XIRP2: variants seen among roughly 807,000 people sequenced by gnomAD.
XIRP2 encodes xin actin binding repeat containing 2, also known as xin actin-binding repeat-containing protein 2.
Under a neutral mutation model 277.0 loss-of-function variants are expected in XIRP2, and 236 were observed. That is an observed-to-expected ratio of 0.85 (90% CI 0.77 to 0.95). The LOEUF is 0.95. XIRP2 is among the 40% of genes least tolerant of loss of function. The probability of loss-of-function intolerance (pLI) is 0.00; values close to 1 mark genes in which losing one functional copy is unlikely to be tolerated. For synonymous variants in XIRP2, 1,490 were observed against 1,416.5 expected, an observed-to-expected ratio of 1.05 and a Z score of -1.17; for missense variants, 4,640 against 4,157.5, an observed-to-expected ratio of 1.12 and a Z score of -3.19.
intron 3 of XIRP2, among the ~76,000 whole-genome samples, chr2:167,154,449 T>A (rs1425065265): frequency 1.3e-5 from 2 of 150,780 alleles, no homozygotes; most frequent in Non-Finnish European, 3.0e-5. Context: ...TTTGTTGCCA[T>A]TGCTTTTGGT....
At chr2:166,892,845 T>C (rs1684138643) in intron 1 of XIRP2, among the ~76,000 whole-genome samples, 1 of 148,126 alleles carries the variant, frequency 6.8e-6, no homozygotes, top group South Asian at 2.1e-4. Flanking sequence ...TGATATGTTA[T>C]AATATATGTT....
chr2:167,097,116 C>G (rs1160163528), intron 2 of XIRP2, among the ~76,000 whole-genome samples: 1 of 152,078 alleles, frequency 6.6e-6, no homozygotes, highest in Non-Finnish European at 1.5e-5. Context: ...TTTTCTGCCT[C>G]TTTGATCTGT....
rs777084432 is a variant in XIRP2, at chr2:167,245,135, T to C, written c.3743T>C (p.Ile1248Thr). ...AGGTGGCTTTTTGAAAACCAACCAA[T>C]TGATAAGATAAAAGAAAGCCAAGAA... is the stretch of plus-strand genomic sequence containing the variant. The part of the protein sequence containing the change: ...NCRWLFENQP[I>T]DKIKESQEGD... The change falls in exon 9 of 11, where the codon ATT (isoleucine) becomes ACT (threonine). Residue 1248 changes from isoleucine (I) to threonine (T), a missense_variant. Physicochemically the swap from Ile to Thr is moderately conservative, Grantham distance 89. Transcript: ENST00000409195. 9.3e-6 allele frequency: 15 copies of C among 1,611,902 alleles called. No homozygotes were observed. Among genetic ancestry groups the C allele is most frequent in the Non-Finnish European group, 1.3e-5 (15 of 1,179,388 alleles).
At chr2:167,055,402 A>C (rs1415758418) in intron 2 of XIRP2, among the ~76,000 whole-genome samples, 1 of 152,196 alleles carries the variant, frequency 6.6e-6, no homozygotes, top group Non-Finnish European at 1.5e-5. Flanking sequence ...TGTTTATTTT[A>C]ATGAAGAAGG....
chr2:166,895,434 G>T (rs1201648303), intron 1 of XIRP2, among the ~76,000 whole-genome samples: 8 of 152,108 alleles, frequency 5.3e-5, no homozygotes, highest in Non-Finnish European at 1.0e-4. Context: ...TTTGAGGATT[G>T]CTCCCCCAGG....
chr2:167,251,943 A>G lies in XIRP2; in HGVS notation c.10551A>G (p.Ile3517Met). 6.5e-7 allele frequency: 1 copy of G among 1,547,274 alleles called. No homozygotes were observed. The highest frequency in any genetic ancestry group is 8.7e-7 in the Non-Finnish European group (1 of 1,154,190). ...RTTFQEESAF[I>M]SEAAAPRQGN... is the part of the protein sequence containing the mutation. ...CCTTCCAAGAGGAATCTGCATTTAT[A>G]AGTGGTAAATGAGCTTGCAATGTGT... The change falls in exon 9 of 11, where the codon ATA (isoleucine) becomes ATG (methionine). Residue 3517 changes from isoleucine (I) to methionine (M), a missense_variant. Ile to Met is a conservative substitution (Grantham distance 10). Coordinates refer to ENST00000409195, the MANE Select transcript of XIRP2 (RefSeq NM_152381.6).
chr2:167,237,433 C>CTT (rs1032519403), intron 5 of XIRP2, among the ~76,000 whole-genome samples: 1 of 147,524 alleles, frequency 6.8e-6, no homozygotes, highest in African/African-American at 2.5e-5. Context: ...AGTTTTGTTG[C>CTT]TTTTTTTTTT....
chr2:166,979,102 G>T (rs913050676), intron 2 of XIRP2, among the ~76,000 whole-genome samples: 1 of 152,128 alleles, frequency 6.6e-6, no homozygotes, highest in Non-Finnish European at 1.5e-5. Context: ...CCTACTGTCA[G>T]TTTTTATTTT....
intron 3 of XIRP2, among the ~76,000 whole-genome samples, chr2:167,184,041 C>T (rs1268710262): frequency 1.3e-5 from 2 of 152,162 alleles, no homozygotes; most frequent in East Asian, 1.9e-4. Context: ...TTTAGCCTCA[C>T]ACCATGCGAA....
At chr2:167,062,305 C>T (rs1354201056) in intron 2 of XIRP2, among the ~76,000 whole-genome samples, 3 of 152,136 alleles carry the variant, frequency 2.0e-5, no homozygotes, top group Non-Finnish European at 4.4e-5. Flanking sequence ...CCCCACTGGA[C>T]CTCATTGCTA....
At chr2:167,253,257 C>T (rs555019053) in intron 9 of XIRP2, among the ~76,000 whole-genome samples, 21 of 151,926 alleles carry the variant, frequency 1.4e-4, no homozygotes, top group African/African-American at 1.7e-4. Flanking sequence ...AGTAATAGAA[C>T]CACTATTATT....
chr2:167,210,987 A>G, intron 4 of XIRP2, 92 bp downstream of exon 4: 1 of 1,477,552 alleles, frequency 6.8e-7, no homozygotes, highest in Admixed American at 2.1e-5. Flanking sequence ...ATACTACTGG[A>G]CAGGGGGCTA....
chr2:167,212,788 A>G (rs994339108), intron 4 of XIRP2, among the ~76,000 whole-genome samples: 1 of 152,194 alleles, frequency 6.6e-6, no homozygotes, highest in African/African-American at 2.4e-5. Flanking sequence ...ATTGTGAGAA[A>G]GAAGAGCACA....
intron 3 of XIRP2, among the ~76,000 whole-genome samples, chr2:167,159,998 G>A (rs557474958): frequency 2.0e-5 from 3 of 152,272 alleles, no homozygotes; most frequent in South Asian, 2.1e-4. Context: ...AATTACATGT[G>A]CAGGCTTGGT....
intron 2 of XIRP2, among the ~76,000 whole-genome samples, chr2:167,135,376 C>A (rs2105318013): frequency 6.6e-6 from 1 of 152,128 alleles, no homozygotes; most frequent in East Asian, 1.9e-4. Flanking sequence ...AAATTACTAT[C>A]TGAAGAAGTA....
chr2:167,246,780 G>T lies in XIRP2; in HGVS notation c.5388G>T (p.Gln1796His). 6.2e-7 allele frequency: 1 copy of T among 1,613,860 alleles called. No individual in the cohort carries two copies. Among genetic ancestry groups the T allele is most frequent in the South Asian group, 1.1e-5 (1 of 91,080 alleles). ...CAAAACTGTTACTGAAGAAAAGGCA[G>T]TCTCTGGTTGAACGTACTGTTAGTG... is the stretch of plus-strand genomic sequence containing the variant. ...EGTKLLLKKRQSLVERTVSET... is the reference protein window; with the variant it reads ...EGTKLLLKKRHSLVERTVSET... Residue 1796 changes from glutamine (Q) to histidine (H), a missense_variant, in exon 9 of 11, where the codon CAG becomes CAT. Coordinates refer to ENST00000409195, the MANE Select transcript of XIRP2 (RefSeq NM_152381.6).
At chr2:167,231,643 A>AATATAAATGAGG (rs1694759926) in intron 5 of XIRP2, among the ~76,000 whole-genome samples, 1 of 151,734 alleles carries the variant, frequency 6.6e-6, no homozygotes, top group Admixed American at 6.6e-5. Context: ...ACTAACAGAA[A>AATATAAATGAGG]CTGCAAATAC....
At chr2:167,153,686 A>G (rs983694921) in intron 3 of XIRP2, among the ~76,000 whole-genome samples, 1 of 151,506 alleles carries the variant, frequency 6.6e-6, no homozygotes, top group Non-Finnish European at 1.5e-5. Flanking sequence ...GCGATAGTTT[A>G]CTGAGAATGA....
At chr2:167,007,703 T>TCTCACACA (rs1389098863) in intron 2 of XIRP2, among the ~76,000 whole-genome samples, 1 of 130,158 alleles carries the variant, frequency 7.7e-6, no homozygotes, top group East Asian at 2.5e-4. Context: ...TCTCTCTCTC[T>TCTCACACA]CACACACACA....
Sources: gnomAD v4.1 joint callset for allele counts (sites outside exome capture counted in the v4.1 genomes callset) on GRCh38, gnomAD v4.1.1 for gene constraint, MANE v1.5 for transcripts, NCBI Gene and HGNC (gene_info 2026-07-23, HGNC 2026-07-21) for gene names.